Variants in CRISPLD2 observed in about 807,000 individuals in gnomAD.
The protein encoded by CRISPLD2 is cysteine-rich secretory protein LCCL domain-containing 2.
CRISPLD2 carries 47 observed loss-of-function variants against 71.1 expected under a neutral mutation model. That is an observed-to-expected ratio of 0.66 (90% confidence interval 0.52 to 0.84). CRISPLD2 has a LOEUF of 0.84. CRISPLD2 is among the 40% of genes least tolerant of loss of function. The probability of loss-of-function intolerance (pLI) is 0.00; values close to 1 mark genes in which losing one functional copy is unlikely to be tolerated. For synonymous variants in CRISPLD2, 317 were observed against 250.1 expected (o/e 1.27, Z -2.52); for missense variants, 830 against 651.1 (o/e 1.27, Z -2.99).
chr16:84,860,019 C>A lies in CRISPLD2; in HGVS notation c.709+5190C>A, dbSNP rs542824793. Reference sequence around the variant, plus strand: ...TAGTCAAGGGTATATCTTCTGGATTCTCCCAGCTGGAATGAGTAGGTCCAA... The same window carrying A: ...TAGTCAAGGGTATATCTTCTGGATTATCCCAGCTGGAATGAGTAGGTCCAA... On this transcript the variant is annotated intron_variant, in intron 6 of 14. Coordinates refer to ENST00000262424, the MANE Select transcript of CRISPLD2 (RefSeq NM_031476.4). Among the ~76,000 whole-genome samples, 32 of 152,326 alleles carry A rather than the reference C, an allele frequency of 2.1e-4. No homozygotes were observed. In the East Asian group the frequency reaches 6.0e-3, roughly 28 times the overall value.
chr16:84,889,277 C>A lies in CRISPLD2; in HGVS notation c.1353C>A (p.Asn451Lys), dbSNP rs756544146. 6.2e-7 allele frequency: 1 copy of A among 1,613,920 alleles called. No individual in the cohort carries two copies. The highest frequency in any genetic ancestry group is 1.3e-5 in the African/African-American group (1 of 74,884). The change falls in exon 14 of 15, where the codon AAC (asparagine) becomes AAA (lysine). Residue 451 changes from asparagine (N) to lysine (K), a missense_variant. Transcript: ENST00000262424. ...CCGTGCACGCGGGAGTCATCAGCAACGAGAGTGGGGGTGACGTGGACGTGA... is the reference window on the plus strand; with the variant it reads ...CCGTGCACGCGGGAGTCATCAGCAAAGAGAGTGGGGGTGACGTGGACGTGA... ...KTAVHAGVIS[N>K]ESGGDVDVMP...
At chr16:84,893,231 G>A (rs1056187748) in intron 14 of CRISPLD2, among the ~76,000 whole-genome samples, 1 of 152,138 alleles carries the variant, frequency 6.6e-6, no homozygotes, top group African/African-American at 2.4e-5. Flanking sequence ...CTAATGGGTT[G>A]CCATGAGAAT....
chr16:84,865,462 C>G (rs1440994147), intron 6 of CRISPLD2, among the ~76,000 whole-genome samples: 1 of 152,170 alleles, frequency 6.6e-6, no homozygotes, highest in Non-Finnish European at 1.5e-5. Context: ...GGCCCTGAAA[C>G]TTGGATTTTA....
At chr16:84,900,170 C>G (rs1201100381) in intron 14 of CRISPLD2, among the ~76,000 whole-genome samples, 1 of 152,156 alleles carries the variant, frequency 6.6e-6, no homozygotes, top group Non-Finnish European at 1.5e-5. Flanking sequence ...GCAGCTCCAT[C>G]TCTCCGAGTG....
At chr16:84,864,252 C>T (rs940655970) in intron 6 of CRISPLD2, among the ~76,000 whole-genome samples, 3 of 152,164 alleles carry the variant, frequency 2.0e-5, no homozygotes, top group Non-Finnish European at 2.9e-5. Flanking sequence ...AGGAGGTACT[C>T]GGATCCAGCC....
intron 13 of CRISPLD2, among the ~76,000 whole-genome samples, chr16:84,884,285 C>T (rs967760107): frequency 1.3e-5 from 2 of 152,090 alleles, no homozygotes; most frequent in Non-Finnish European, 2.9e-5. Flanking sequence ...TGTGAGCCCC[C>T]CTGCCCCTCA....
At chr16:84,880,408 A>T in intron 12 of CRISPLD2, 101 bp from the exon 13 acceptor site, 1 of 872,034 alleles carries the variant, frequency 1.1e-6, no homozygotes, top group Non-Finnish European at 1.8e-6. Context: ...GTTTCCTTTC[A>T]TCTACGAACT....
intron 2 of CRISPLD2, among the ~76,000 whole-genome samples, chr16:84,844,067 T>C (rs979832561): frequency 1.3e-5 from 2 of 152,256 alleles, no homozygotes. Flanking sequence ...TGCTTAAAGC[T>C]GGAGCATCTG....
At chr16:84,821,118 T>A (rs2143119392) in intron 1 of CRISPLD2, among the ~76,000 whole-genome samples, 1 of 152,282 alleles carries the variant, frequency 6.6e-6, no homozygotes, top group Non-Finnish European at 1.5e-5. Flanking sequence ...AGAGTGGGGT[T>A]GTGAGTTTCC....
At chr16:84,888,105 C>T (rs1030174728) in intron 13 of CRISPLD2, among the ~76,000 whole-genome samples, 2 of 152,196 alleles carry the variant, frequency 1.3e-5, no homozygotes, top group African/African-American at 4.8e-5. Flanking sequence ...ATGTGGGTGT[C>T]ACCAGGCTAA....
At chr16:84,888,053 C>T (rs972963344) in intron 13 of CRISPLD2, among the ~76,000 whole-genome samples, 4 of 152,134 alleles carry the variant, frequency 2.6e-5, no homozygotes. Flanking sequence ...CTTAAAGAAA[C>T]CCAGGTTTAT....
intron 13 of CRISPLD2, among the ~76,000 whole-genome samples, chr16:84,886,813 C>T (rs1178317596): frequency 6.6e-6 from 1 of 152,050 alleles, no homozygotes; most frequent in East Asian, 1.9e-4. Context: ...AGATCCTGTC[C>T]CCCGACAAAA....
At chr16:84,872,914 A>G (rs1048785727) in intron 9 of CRISPLD2, 78 bp from the exon 10 acceptor site, 4 of 1,527,098 alleles carry the variant, frequency 2.6e-6, no homozygotes, top group Non-Finnish European at 3.5e-6. Flanking sequence ...GTTGAGGACA[A>G]ATGTTTGGGT....
chr16:84,858,734 T>C (rs1597462373), intron 6 of CRISPLD2, among the ~76,000 whole-genome samples: 1 of 152,250 alleles, frequency 6.6e-6, no homozygotes, highest in East Asian at 1.9e-4. Flanking sequence ...ACAATAAAGA[T>C]ACATTGCTGG....
intron 3 of CRISPLD2, among the ~76,000 whole-genome samples, chr16:84,848,754 C>T (rs573230535): frequency 2.0e-5 from 3 of 152,320 alleles, no homozygotes; most frequent in South Asian, 4.1e-4. Context: ...AGTGCACTCA[C>T]GTCTTCATCA....
At chr16:84,898,724 A>T (rs1597486645) in intron 14 of CRISPLD2, among the ~76,000 whole-genome samples, 1 of 152,346 alleles carries the variant, frequency 6.6e-6, no homozygotes, top group East Asian at 1.9e-4. Flanking sequence ...CACAGCCCTG[A>T]TGCTGCCCAG....
Position 84,895,242 on chromosome 16 carries a change from C to G in CRISPLD2, c.1439+5879C>G, listed in dbSNP as rs113159052. On this transcript the variant is annotated intron_variant, in intron 14 of 14. Transcript: ENST00000262424. ...GTCACCCAGCCTACCAGGGGCAGAG[C>G]TGGGACTCAAACCTAGGCCGCCTGT... 2.6e-3 allele frequency among the ~76,000 whole-genome samples: 397 copies of G among 152,310 alleles called. 1 individual carries two copies. Among genetic ancestry groups the G allele is most frequent in the African/African-American group, 9.0e-3 (372 of 41,548 alleles).
intron 2 of CRISPLD2, among the ~76,000 whole-genome samples, 200 bp from the exon 3 acceptor site, chr16:84,845,586 C>A (rs1330026326): frequency 6.6e-6 from 1 of 152,240 alleles, no homozygotes; most frequent in African/African-American, 2.4e-5. Flanking sequence ...AGAGGCCCAG[C>A]AGGAGGCCTG....
At chr16:84,897,951 G>A (rs1439325378) in intron 14 of CRISPLD2, among the ~76,000 whole-genome samples, 1 of 152,182 alleles carries the variant, frequency 6.6e-6, no homozygotes, top group Non-Finnish European at 1.5e-5. Flanking sequence ...TATGCTATTA[G>A]TATTGTTTTG....
Sources: allele counts gnomAD v4.1 joint callset (sites outside exome capture counted in the v4.1 genomes callset), GRCh38; gene constraint gnomAD v4.1.1; transcripts MANE v1.5; gene names NCBI Gene and HGNC (gene_info 2026-07-23, HGNC 2026-07-21).